Variants in LAPTM5 observed in about 807,000 individuals in gnomAD.
LAPTM5 encodes lysosomal-associated transmembrane protein 5.
In LAPTM5, 11 loss-of-function variants were observed where a neutral mutation model predicts 30.1. That is an observed-to-expected ratio of 0.37 (90% CI 0.23 to 0.60). The LOEUF is 0.60. LAPTM5 is among the 20% of genes least tolerant of loss of function. LAPTM5 has a pLI of 0.71. For synonymous variants in LAPTM5, 151 were observed against 137.9 expected, an observed-to-expected ratio of 1.10 and a Z score of -0.67; for missense variants, 324 against 332.5, an observed-to-expected ratio of 0.97 and a Z score of 0.20.
At position 30,757,664 on chromosome 1, in the gene LAPTM5, G is replaced by A. The variant is rs766751707; in HGVS notation, c.82C>T (p.His28Tyr). Residue 28 changes from histidine to tyrosine, a missense_variant, in exon 1 of 8, where the codon CAT (histidine) becomes TAT (tyrosine). Physicochemically the swap from His to Tyr is moderately conservative, Grantham distance 83 (BLOSUM62 2). Coordinates refer to ENST00000294507, the MANE Select transcript of LAPTM5 (RefSeq NM_006762.3). ...CCCGGGGCCCGCACACTCACCACAT[G>A]GTAGATGGCCAGGGCGGTGGTTGCG... Reference protein sequence around the residue: ...RIATTALAIYHVIMSVLLFIE... With the variant: ...RIATTALAIYYVIMSVLLFIE... The A allele has an allele frequency of 1.9e-6, 3 of 1,613,644 alleles. No individual in the cohort carries two copies. The Admixed American group carries it at 5.0e-5, about 27-fold the overall frequency.
chr1:30,755,120 G>A (rs1569878585), intron 1 of LAPTM5, among the ~76,000 whole-genome samples: 1 of 152,084 alleles, frequency 6.6e-6, no homozygotes, highest in African/African-American at 2.4e-5. Flanking sequence ...ACAGCTTCCA[G>A]GACACCCCTC....
intron 1 of LAPTM5, among the ~76,000 whole-genome samples, chr1:30,754,284 C>T (rs184793491): frequency 1.2e-4 from 18 of 152,186 alleles, no homozygotes; most frequent in East Asian, 3.9e-4. Context: ...GTAATCCCAG[C>T]GCGTTGGGAG....
rs1639988280 is a variant in LAPTM5 at position 30,742,656 on chromosome 1, G to A, written c.88-107C>T. 3 of 820,930 alleles carry A rather than the reference G, an allele frequency of 3.7e-6. No homozygotes were observed. The East Asian group carries it at 7.9e-5, about 22-fold the overall frequency. 50.9% of individuals were successfully genotyped at this position (820,930 alleles called of 1,614,324 possible). On this transcript the variant is annotated intron_variant, in intron 1 of 7. Transcript: ENST00000294507. The stretch of plus-strand genomic sequence containing the variant: ...CAGGGAAGCCAGTAGTGGGGATCCT[G>A]GAGCAGATGGCATGCCAGGTCAGTA...
intron 6 of LAPTM5, 65 bp from the exon 7 acceptor site, chr1:30,735,330 G>T (rs765898053): frequency 3.0e-6 from 4 of 1,345,066 alleles, no homozygotes; most frequent in Admixed American, 1.7e-5. Flanking sequence ...AGCAGGCCTA[G>T]GACATATGCC....
chr1:30,756,692 G>A (rs1233563541), intron 1 of LAPTM5, among the ~76,000 whole-genome samples: 2 of 152,228 alleles, frequency 1.3e-5, no homozygotes, highest in African/African-American at 4.8e-5. Flanking sequence ...GGAAGCAGAC[G>A]CAGGCAGGTC....
At chr1:30,741,801 TG>T in intron 2 of LAPTM5, 85 bp from the exon 3 acceptor site, 1 of 959,414 alleles carries the variant, frequency 1.0e-6, no homozygotes, top group Non-Finnish European at 1.6e-6. Context: ...GGGGAACCAC[TG>T]GTTTGGGGAC....
intron 1 of LAPTM5, among the ~76,000 whole-genome samples, chr1:30,752,315 G>A (rs965921725): frequency 6.6e-6 from 1 of 152,194 alleles, no homozygotes; most frequent in Admixed American, 6.5e-5. Flanking sequence ...CTGATAGGCC[G>A]AAGAGAGATC....
intron 5 of LAPTM5, 101 bp from the exon 6 acceptor site, chr1:30,737,800 G>A (rs562081310): frequency 3.4e-5 from 26 of 759,978 alleles, no homozygotes; most frequent in African/African-American, 3.1e-4. Context: ...ACACACACAC[G>A]AGCACAGCGT....
At position 30,737,679 on chromosome 1, in the gene LAPTM5, C is replaced by T. The variant is rs1270149342; in HGVS notation, c.531G>A (p.Glu177=). ...MNHMNYLPSQ[E]DMPHNQFIKM... Reference sequence around the variant, plus strand: ...TGATGAACTGGTTATGAGGCATATCCTCCTGGCTGGGGAGGTAATTCTGCA... The same window carrying T: ...TGATGAACTGGTTATGAGGCATATCTTCCTGGCTGGGGAGGTAATTCTGCA... The change falls in exon 6 of 8, where the codon GAG becomes GAA. Residue 177 remains glutamate (E), a synonymous_variant. Coordinates refer to ENST00000294507, the MANE Select transcript of LAPTM5 (RefSeq NM_006762.3). The T allele has an allele frequency of 2.5e-6, 4 of 1,613,534 alleles. No individual in the cohort carries two copies. The highest frequency in any genetic ancestry group is 1.1e-5 in the South Asian group (1 of 90,998).
At chr1:30,755,253 G>A (rs1243897688) in intron 1 of LAPTM5, among the ~76,000 whole-genome samples, 8 of 151,872 alleles carry the variant, frequency 5.3e-5, no homozygotes, top group Non-Finnish European at 4.4e-5. Context: ...AGGGTAGGGA[G>A]ATGGGCAGTG....
intron 1 of LAPTM5, among the ~76,000 whole-genome samples, chr1:30,748,218 C>G (rs1640075499): frequency 6.6e-6 from 1 of 152,062 alleles, no homozygotes; most frequent in Non-Finnish European, 1.5e-5. Flanking sequence ...ACTTTCCTAT[C>G]CGTTTACTTC....
intron 3 of LAPTM5, among the ~76,000 whole-genome samples, chr1:30,741,244 C>T (rs1221579545): frequency 2.6e-5 from 4 of 152,176 alleles, no homozygotes; most frequent in Non-Finnish European, 5.9e-5. Flanking sequence ...CCCCCTTCTT[C>T]GGCTCCTCTC....
chr1:30,744,575 C>T (rs974085293), intron 1 of LAPTM5, among the ~76,000 whole-genome samples: 9 of 152,126 alleles, frequency 5.9e-5, no homozygotes, highest in African/African-American at 2.2e-4. Flanking sequence ...GGAACAAAGC[C>T]TAGAATCAGA....
intron 2 of LAPTM5, 110 bp downstream of exon 2, chr1:30,742,346 C>A: frequency 1.4e-6 from 1 of 718,728 alleles, no homozygotes; most frequent in South Asian, 1.6e-5. Context: ...AGAGGTCATC[C>A]ATCGTCCATG....
At chr1:30,738,145 G>A (rs1639914853) in intron 5 of LAPTM5, among the ~76,000 whole-genome samples, 1 of 152,180 alleles carries the variant, frequency 6.6e-6, no homozygotes, top group African/African-American at 2.4e-5. Flanking sequence ...GTGGTCATTT[G>A]CAAATATTAC....
chr1:30,742,625 G>T, intron 1 of LAPTM5, 76 bp from the exon 2 acceptor site: 1 of 1,188,772 alleles, frequency 8.4e-7, no homozygotes, highest in Non-Finnish European at 1.2e-6. Flanking sequence ...CCTTAGTGGT[G>T]TACAGCAGGG....
intron 1 of LAPTM5, among the ~76,000 whole-genome samples, 155 bp from the exon 2 acceptor site, chr1:30,742,704 G>A (rs944467595): frequency 2.0e-5 from 3 of 152,180 alleles, no homozygotes; most frequent in African/African-American, 7.2e-5. Context: ...CAAAAGAGTG[G>A]CCTTTACACA....
At chr1:30,744,407 C>T (rs932702682) in intron 1 of LAPTM5, among the ~76,000 whole-genome samples, 43 of 152,136 alleles carry the variant, frequency 2.8e-4, no homozygotes, top group Non-Finnish European at 4.3e-4. Flanking sequence ...CAGCACAGAA[C>T]GGGGTGTCCT....
chr1:30,737,181 C>T (rs1367667059), intron 6 of LAPTM5, among the ~76,000 whole-genome samples: 1 of 152,170 alleles, frequency 6.6e-6, no homozygotes, highest in Non-Finnish European at 1.5e-5. Flanking sequence ...CACCAAACCT[C>T]TATTAACATA....
Sources: gnomAD v4.1 joint callset for allele counts (sites outside exome capture counted in the v4.1 genomes callset) on GRCh38, gnomAD v4.1.1 for gene constraint, MANE v1.5 for transcripts, NCBI Gene and HGNC (gene_info 2026-07-23, HGNC 2026-07-21) for gene names.